CD274: variants seen among roughly 807,000 people sequenced by gnomAD.
The protein encoded by CD274 is programmed cell death 1 ligand 1.
A neutral mutation model predicts 30.1 loss-of-function variants in CD274; 8 were observed. The observed-to-expected ratio is 0.27, with a 90% CI of 0.16 to 0.48. The LOEUF (loss-of-function observed/expected upper bound fraction) is 0.48, where lower values mean the gene tolerates loss of function less well. Among genes scored for constraint, CD274 ranks in the 20% least tolerant of loss-of-function variants. The pLI, the probability that CD274 is intolerant of heterozygous loss-of-function variation, is 0.99. For missense variants in CD274, 353 were observed against 346.6 expected (o/e 1.02, Z -0.15); for synonymous variants, 152 against 124.6 (o/e 1.22, Z -1.46).
intron 1 of CD274, among the ~76,000 whole-genome samples, 194 bp downstream of exon 1, chr9:5,450,790 C>A (rs117829760): frequency 0.027 from 4,175 of 152,312 alleles, 85 homozygotes; most frequent in Non-Finnish European, 0.045. Context: ...ATGCATCTGG[C>A]CTTCCTCCAG....
chr9:5,460,148 A>G (rs1023496553), intron 3 of CD274, among the ~76,000 whole-genome samples: 2 of 152,180 alleles, frequency 1.3e-5, no homozygotes, highest in African/African-American at 4.8e-5. Flanking sequence ...TCAATGAATG[A>G]ATGATTTCCT....
In CD274 at chr9:5,468,988, A is replaced by G. The variant is rs969183623; in HGVS notation, c.*1126A>G. ...GTATAATGAGGAGATTAACAAGAAA[A>G]TGTATTATTACAATTTAGTCCAGTG... is the stretch of plus-strand genomic sequence containing the variant. On this transcript the variant is annotated 3_prime_UTR_variant, in exon 7 of 7. Transcript: ENST00000381577. 1.3e-5 allele frequency: 3 copies of G among 233,032 alleles called. No individual in the cohort carries two copies. The highest frequency in any genetic ancestry group is 6.6e-5 in the African/African-American group (3 of 45,336). The allele number at this position is 233,032 out of a possible 1,614,324, so 14.4% of individuals were successfully genotyped here.
chr9:5,451,529 C>A (rs914187780), intron 1 of CD274, among the ~76,000 whole-genome samples: 1 of 152,140 alleles, frequency 6.6e-6, no homozygotes, highest in Non-Finnish European at 1.5e-5. Flanking sequence ...AAAATGCTTT[C>A]CAGAAAGGAT....
rs1819488176 is a variant in CD274, at chr9:5,465,757, T to C, written c.790+151T>C. ...GCAATTATATTGAAGCTGAGTGGGA[T>C]CACTGGGTGAAGATGAAGCGTAAGG... On this transcript the variant is annotated intron_variant, in intron 5 of 6. Transcript: ENST00000381577. The C allele has an allele frequency of 1.4e-5, 8 of 557,914 alleles. No individual in the cohort carries two copies. The East Asian group carries it at 2.1e-4, about 15-fold the overall frequency. 34.6% of individuals were successfully genotyped at this position (557,914 alleles called of 1,614,324 possible).
chr9:5,467,122 T>C (rs1401995931), intron 6 of CD274, among the ~76,000 whole-genome samples: 1 of 152,104 alleles, frequency 6.6e-6, no homozygotes, highest in East Asian at 1.9e-4. Flanking sequence ...TTCTAAAATA[T>C]TGTGTGTCAG....
In CD274 at chr9:5,463,976, C is replaced by A. The variant is rs559375323; in HGVS notation, c.682+855C>A. Among the ~76,000 whole-genome samples the A allele has an allele frequency of 2.6e-5, 4 of 152,200 alleles. No individual in the cohort carries two copies. In the South Asian group the frequency reaches 8.3e-4, roughly 32 times the overall value. ...TATTTAATATAAACACAAAGATATT[C>A]TGAGAAGAGCTGCTCACTGCCCCCT... is the stretch of plus-strand genomic sequence containing the variant. On this transcript the variant is annotated intron_variant, in intron 4 of 6. Transcript: ENST00000381577.
At position 5,466,976 on chromosome 9, in the gene CD274, TC is replaced by T; in HGVS notation, c.850+149del. ...GCCTCACAGCTAACACAAGAACTCC[TC>T]CACCGTCTGAGGAGGTTTAGGAGCA... is the stretch of plus-strand genomic sequence containing the variant. On this transcript the variant is annotated intron_variant, in intron 6 of 6. Transcript: ENST00000381577. 5.0e-6 allele frequency: 3 copies of T among 605,842 alleles called. No individual in the cohort carries two copies. In the South Asian group the frequency reaches 6.5e-5, roughly 13 times the overall value. The allele number at this position is 605,842 out of a possible 1,614,324, so 37.5% of individuals were successfully genotyped here. A position where few individuals can be genotyped will look rare whatever the true frequency, so the allele number is the denominator to read the frequency against.
chr9:5,453,532 T>C lies in CD274; in HGVS notation c.-14-2568T>C, dbSNP rs527659982. ...GCTGAACACACAAATACTTATGATA[T>C]TTTAAAAAATTGGCAACAATCTGAT... On this transcript the variant is annotated intron_variant, in intron 1 of 6. Coordinates refer to ENST00000381577, the MANE Select transcript of CD274 (RefSeq NM_014143.4). Among the ~76,000 whole-genome samples the C allele has an allele frequency of 7.9e-5, 12 of 152,302 alleles. No individual in the cohort carries two copies. In the South Asian group the frequency reaches 2.5e-3, roughly 32 times the overall value.
chr9:5,456,101 G>T lies in CD274; in HGVS notation c.-13G>T. On this transcript the variant is annotated splice_region_variant and 5_prime_UTR_variant, in exon 2 of 7. Transcript: ENST00000381577. ...TCTTTTCGTGTTTTCCATAATTAGGGCATTCCAGAAAGATGAGGATATTTG... is the reference window on the plus strand; with the variant it reads ...TCTTTTCGTGTTTTCCATAATTAGGTCATTCCAGAAAGATGAGGATATTTG... 1 of 1,583,730 alleles carries T rather than the reference G, an allele frequency of 6.3e-7. No homozygotes were observed. The highest frequency in any genetic ancestry group is 8.7e-7 in the Non-Finnish European group (1 of 1,153,274).
chr9:5,452,204 A>G (rs550802813), intron 1 of CD274, among the ~76,000 whole-genome samples: 1 of 151,894 alleles, frequency 6.6e-6, no homozygotes, highest in Admixed American at 6.5e-5. Flanking sequence ...TTTAGTAGAA[A>G]TGGGGTTTCA....
At chr9:5,466,446 G>A (rs1251724497) in intron 5 of CD274, among the ~76,000 whole-genome samples, 1 of 152,104 alleles carries the variant, frequency 6.6e-6, no homozygotes, top group East Asian at 1.9e-4. Context: ...CATGCATTTT[G>A]AATATTTCTC....
Position 5,465,516 on chromosome 9 carries a change from C to G in CD274, c.700C>G (p.Pro234Ala), listed in dbSNP as rs2131229730. The change falls in exon 5 of 7, where the codon CCT (proline) becomes GCT (alanine). Residue 234 changes from proline (P) to alanine (A), a missense_variant. Coordinates refer to ENST00000381577, the MANE Select transcript of CD274 (RefSeq NM_014143.4). ...LVIPELPLAH[P>A]PNERTHLVIL... ...TTTTTCAGAACTACCTCTGGCACAT[C>G]CTCCAAATGAAAGGACTCACTTGGT... The G allele has an allele frequency of 6.2e-7, 1 of 1,607,454 alleles. No homozygotes were observed. The highest frequency in any genetic ancestry group is 8.5e-7 in the Non-Finnish European group (1 of 1,174,020).
chr9:5,466,708 G>A (rs1277623278), intron 5 of CD274, 62 bp from the exon 6 acceptor site: 1 of 1,213,688 alleles, frequency 8.2e-7, no homozygotes, highest in Non-Finnish European at 1.2e-6. Context: ...TTTAAACTTG[G>A]GTCACTGTAT....
chr9:5,464,276 C>G (rs1819459428), intron 4 of CD274, among the ~76,000 whole-genome samples: 1 of 152,124 alleles, frequency 6.6e-6, no homozygotes, highest in Admixed American at 6.5e-5. Flanking sequence ...CAGTAACTCA[C>G]CTAACTGCAC....
At chr9:5,459,087 G>T (rs1244251925) in intron 3 of CD274, among the ~76,000 whole-genome samples, 3 of 151,966 alleles carry the variant, frequency 2.0e-5, no homozygotes, top group Non-Finnish European at 4.4e-5. Context: ...AGGTCGTCTG[G>T]GCTCCATAAT....
rs1207937541 is a variant in CD274, at chr9:5,470,163, A to G, written c.*2301A>G. ...ACAAGGAGTACCTTGGCTTTGCCAC[A>G]TGTCAAGGCTGAAGAAACAGTGTCT... On this transcript the variant is annotated 3_prime_UTR_variant, in exon 7 of 7. Coordinates refer to ENST00000381577, the MANE Select transcript of CD274 (RefSeq NM_014143.4). 2.1e-5 allele frequency: 5 copies of G among 232,952 alleles called. No homozygotes were observed. Among genetic ancestry groups the G allele is most frequent in the Non-Finnish European group, 2.5e-5 (3 of 117,890 alleles). 14.4% of individuals were successfully genotyped at this position (232,952 alleles called of 1,614,324 possible). A position where few individuals can be genotyped will look rare whatever the true frequency, so the allele number is the denominator to read the frequency against.
intron 5 of CD274, chr9:5,465,922 G>A: frequency 5.4e-6 from 1 of 184,986 alleles, no homozygotes; most frequent in East Asian, 1.3e-4. Context: ...TTTTAGTCTT[G>A]CATTAGTTGC....
chr9:5,454,523 G>T (rs1819265579), intron 1 of CD274, among the ~76,000 whole-genome samples: 1 of 151,746 alleles, frequency 6.6e-6, no homozygotes, highest in Admixed American at 6.6e-5. Context: ...AGTCCTTAAT[G>T]GTATTATATT....
intron 4 of CD274, chr9:5,463,357 T>G (rs1819441607): frequency 7.8e-6 from 4 of 514,884 alleles, no homozygotes; most frequent in Non-Finnish European, 1.1e-5. Flanking sequence ...ATTGTAGTAC[T>G]CATTGGATAC....
Sources: allele counts gnomAD v4.1 joint callset (sites outside exome capture counted in the v4.1 genomes callset), GRCh38; gene constraint gnomAD v4.1.1; transcripts MANE v1.5; gene names NCBI Gene and HGNC (gene_info 2026-07-23, HGNC 2026-07-21).